Variants in FAM114A1 observed in about 807,000 individuals in gnomAD.
FAM114A1 encodes protein NOXP20.
FAM114A1 carries 62 observed loss-of-function variants against 64.3 expected under a neutral mutation model. The observed-to-expected ratio is 0.96, with a 90% confidence interval of 0.79 to 1.19. FAM114A1 has a LOEUF of 1.19. Among genes scored for constraint, FAM114A1 ranks in the 50% most tolerant of loss-of-function variants. The pLI is 0.00. For missense variants in FAM114A1, 645 were observed against 676.3 expected (o/e 0.95, Z 0.51); for synonymous variants, 254 against 251.1 (o/e 1.01, Z -0.11).
intron 7 of FAM114A1, among the ~76,000 whole-genome samples, chr4:38,913,510 C>A (rs1718758237): frequency 6.6e-6 from 1 of 152,140 alleles, no homozygotes; most frequent in African/African-American, 2.4e-5. Context: ...TCTCCTGCCT[C>A]AGCCTCCTGA....
At chr4:38,911,832 CTTTTTTTTTTTCTT>C (rs1718560052) in intron 7 of FAM114A1, among the ~76,000 whole-genome samples, 1 of 121,204 alleles carries the variant, frequency 8.3e-6, no homozygotes, top group Non-Finnish European at 1.8e-5. Context: ...TTTCTTTCTT[CTTTTTTTTTTTCTT>C]TTTTTTTCTT....
intron 6 of FAM114A1, among the ~76,000 whole-genome samples, 161 bp from the exon 7 acceptor site, chr4:38,908,431 G>A (rs529393411): frequency 1.1e-4 from 16 of 152,218 alleles, no homozygotes; most frequent in African/African-American, 1.9e-4. Flanking sequence ...CCAAGGAAAC[G>A]AGAATAGGAT....
At position 38,878,106 on chromosome 4, in the gene FAM114A1, G is replaced by A. The variant is rs775380738; in HGVS notation, c.28G>A (p.Ala10Thr). Residue 10 changes from alanine to threonine, a missense_variant, in exon 3 of 15, where the codon GCC (alanine) becomes ACC (threonine). Physicochemically the swap from Ala to Thr is moderately conservative, Grantham distance 58. Transcript: ENST00000358869. ...GTCTGATGATGCTGGTGACACCTTA[G>A]CCACTGGAGACAAAGCAGAAGTTAC... Reference protein sequence around the residue: MSDDAGDTLATGDKAEVTEM... With the variant: MSDDAGDTLTTGDKAEVTEM... 2.5e-6 allele frequency: 4 copies of A among 1,612,186 alleles called. No individual in the cohort carries two copies. In the Admixed American group the frequency reaches 5.0e-5, roughly 20 times the overall value.
At chr4:38,882,260 C>T (rs1439458307) in intron 3 of FAM114A1, among the ~76,000 whole-genome samples, 2 of 123,842 alleles carry the variant, frequency 1.6e-5, no homozygotes, top group African/African-American at 3.2e-5. Flanking sequence ...TGCAGTGAGC[C>T]GAGATTGCAC....
At chr4:38,874,746 G>A (rs114706473) in intron 2 of FAM114A1, among the ~76,000 whole-genome samples, 14 of 151,916 alleles carry the variant, frequency 9.2e-5, no homozygotes, top group Admixed American at 3.9e-4. Flanking sequence ...TGCCAGGGCC[G>A]ATATCCAGGA....
At chr4:38,929,967 TATC>T (rs1720494354) in intron 10 of FAM114A1, among the ~76,000 whole-genome samples, 1 of 152,150 alleles carries the variant, frequency 6.6e-6, no homozygotes. Context: ...GAGCAGTAGT[TATC>T]ATCAGGTTAG....
intron 8 of FAM114A1, among the ~76,000 whole-genome samples, chr4:38,917,769 G>C (rs381928): frequency 6.6e-6 from 1 of 152,194 alleles, no homozygotes; most frequent in Non-Finnish European, 1.5e-5. Context: ...TTAGTTTCTA[G>C]GAAGAAGGTT....
At chr4:38,905,206 G>C (rs1346787638) in intron 4 of FAM114A1, among the ~76,000 whole-genome samples, 1 of 152,092 alleles carries the variant, frequency 6.6e-6, no homozygotes, top group Non-Finnish European at 1.5e-5. Context: ...AGACAAGCCT[G>C]GCCAACACTT....
intron 2 of FAM114A1, among the ~76,000 whole-genome samples, chr4:38,875,252 C>T (rs190616173): frequency 1.5e-3 from 223 of 152,152 alleles, no homozygotes; most frequent in African/African-American, 5.1e-3. Context: ...TGAATCTGTA[C>T]ATTGCTTTGG....
chr4:38,882,166 G>A (rs1015931425), intron 3 of FAM114A1, among the ~76,000 whole-genome samples: 27 of 148,062 alleles, frequency 1.8e-4, no homozygotes, highest in African/African-American at 6.5e-4. Flanking sequence ...CAAAAAATTA[G>A]CCGGGCGCGG....
intron 4 of FAM114A1, among the ~76,000 whole-genome samples, chr4:38,902,446 A>G (rs1479187298): frequency 6.6e-6 from 1 of 152,212 alleles, no homozygotes; most frequent in Non-Finnish European, 1.5e-5. Flanking sequence ...GCAGCTCACC[A>G]GCATTACACA....
At position 38,891,731 on chromosome 4, in the gene FAM114A1, G is replaced by A; in HGVS notation, c.349-12G>A. 1.9e-6 allele frequency: 3 copies of A among 1,591,878 alleles called. No individual in the cohort carries two copies. The highest frequency in any genetic ancestry group is 2.6e-6 in the Non-Finnish European group (3 of 1,170,410). On this transcript the variant is annotated splice_polypyrimidine_tract_variant and intron_variant, in intron 3 of 14. Transcript: ENST00000358869. ...TGAATTTCTGACCTGTGGCTAATTT[G>A]TTTTTCTCCAGGCTGTGGATTCCCC...
chr4:38,919,429 C>G (rs1469887991), intron 8 of FAM114A1, among the ~76,000 whole-genome samples: 1 of 152,188 alleles, frequency 6.6e-6, no homozygotes, highest in African/African-American at 2.4e-5. Context: ...AGCAGCACCT[C>G]TTAGCTATCC....
chr4:38,895,929 G>A (rs1716887531), intron 4 of FAM114A1, among the ~76,000 whole-genome samples: 1 of 152,076 alleles, frequency 6.6e-6, no homozygotes, highest in African/African-American at 2.4e-5. Context: ...CATAGATGTG[G>A]CCCGTCGTTG....
Position 38,914,937 on chromosome 4 carries a change from A to T in FAM114A1, c.809A>T (p.Lys270Met). ...TTTCTGCAGATGTTAAGGGAAGCTA[A>T]GGAGAAGGAGAAGCAGAGACTGGCA... ...VSLSQMLREA[K>M]EKEKQRLAQQ... Residue 270 changes from lysine to methionine, a missense_variant, in exon 8 of 15, where the codon AAG becomes ATG. Coordinates refer to ENST00000358869, the MANE Select transcript of FAM114A1 (RefSeq NM_138389.4). The T allele has an allele frequency of 6.2e-7, 1 of 1,614,054 alleles. No individual in the cohort carries two copies. The highest frequency in any genetic ancestry group is 8.5e-7 in the Non-Finnish European group (1 of 1,179,982).
chr4:38,910,542 C>T (rs979523536), intron 7 of FAM114A1, among the ~76,000 whole-genome samples: 5 of 151,878 alleles, frequency 3.3e-5, no homozygotes, highest in African/African-American at 7.3e-5. Context: ...AAGTGACGAG[C>T]GAGTGCCATG....
At chr4:38,868,861 C>T (rs1363243294) in intron 2 of FAM114A1, among the ~76,000 whole-genome samples, 1 of 152,206 alleles carries the variant, frequency 6.6e-6, no homozygotes. Context: ...GCCCTCCTTT[C>T]TTCCATCAAG....
intron 12 of FAM114A1, among the ~76,000 whole-genome samples, chr4:38,933,123 A>G (rs1188146643): frequency 6.6e-6 from 1 of 152,172 alleles, no homozygotes; most frequent in African/African-American, 2.4e-5. Context: ...AAGTGCTGGG[A>G]TTACAGTCGT....
At chr4:38,927,891 C>G (rs1007211716) in intron 9 of FAM114A1, among the ~76,000 whole-genome samples, 5 of 152,100 alleles carry the variant, frequency 3.3e-5, no homozygotes, top group Non-Finnish European at 7.4e-5. Flanking sequence ...ACCATCTTGG[C>G]CAGGCTGGTC....
Sources: gnomAD v4.1 joint callset for allele counts (sites outside exome capture counted in the v4.1 genomes callset) on GRCh38, gnomAD v4.1.1 for gene constraint, MANE v1.5 for transcripts, NCBI Gene and HGNC (gene_info 2026-07-23, HGNC 2026-07-21) for gene names.